Variants in ARSB observed in about 807,000 individuals in gnomAD.
The protein encoded by ARSB is arylsulfatase B.
ARSB carries 41 observed loss-of-function variants against 50.9 expected under a neutral mutation model. The ratio of observed to expected loss-of-function variants is 0.81; its 90% CI spans 0.63 to 1.04. ARSB has a LOEUF of 1.04. Among genes scored for constraint, ARSB ranks in the 50% least tolerant of loss-of-function variants. The pLI, the probability that ARSB is intolerant of heterozygous loss-of-function variation, is 0.00. For missense variants in ARSB, 672 were observed against 693.3 expected (o/e 0.97, Z 0.35); for synonymous variants, 269 against 284.8 (o/e 0.94, Z 0.56).
intron 3 of ARSB, among the ~76,000 whole-genome samples, chr5:78,959,410 C>T (rs1002493312): frequency 1.3e-5 from 2 of 151,514 alleles, no homozygotes; most frequent in African/African-American, 4.9e-5. Context: ...TTCTTTATAA[C>T]AGCGTGAGAA....
At chr5:78,784,903 A>G (rs1749036764) in intron 6 of ARSB, among the ~76,000 whole-genome samples, 1 of 151,254 alleles carries the variant, frequency 6.6e-6, no homozygotes, top group Non-Finnish European at 1.5e-5. Flanking sequence ...AGTTCAAGCA[A>G]TTCTCCTGCC....
intron 1 of ARSB, among the ~76,000 whole-genome samples, chr5:78,978,816 T>C (rs987219609): frequency 4.6e-5 from 7 of 152,164 alleles, no homozygotes; most frequent in Non-Finnish European, 8.8e-5. Context: ...CCTCAAATTG[T>C]ACATAAAAAT....
At chr5:78,892,592 G>T (rs163299) in intron 4 of ARSB, among the ~76,000 whole-genome samples, 32,511 of 152,088 alleles carry the variant, frequency 0.21, 3,914 homozygotes, top group East Asian at 0.55. Context: ...CTTGAGAAGT[G>T]CAACAACACA....
At chr5:78,847,649 T>A (rs1045917341) in intron 5 of ARSB, among the ~76,000 whole-genome samples, 1 of 152,232 alleles carries the variant, frequency 6.6e-6, no homozygotes, top group African/African-American at 2.4e-5. Context: ...TTATTAGTTC[T>A]TTAAATGTTT....
chr5:78,959,907 C>G (rs1293601289), intron 3 of ARSB, among the ~76,000 whole-genome samples: 6 of 152,148 alleles, frequency 3.9e-5, no homozygotes, highest in Non-Finnish European at 5.9e-5. Flanking sequence ...GCCACTATTC[C>G]TAGGACCCTG....
intron 6 of ARSB, among the ~76,000 whole-genome samples, chr5:78,835,330 G>T (rs989073559): frequency 2.0e-5 from 3 of 152,126 alleles, no homozygotes; most frequent in African/African-American, 4.8e-5. Context: ...GGGAGCGGGG[G>T]AGGTGTAGCT....
At chr5:78,816,459 T>G (rs1743995647) in intron 6 of ARSB, among the ~76,000 whole-genome samples, 3 of 152,176 alleles carry the variant, frequency 2.0e-5, no homozygotes, top group Admixed American at 2.0e-4. Context: ...ACCCTGGATT[T>G]CCAGGTGTCA....
At chr5:78,971,322 A>T (rs150617597) in intron 1 of ARSB, among the ~76,000 whole-genome samples, 3 of 152,152 alleles carry the variant, frequency 2.0e-5, no homozygotes, top group African/African-American at 7.2e-5. Flanking sequence ...AGAAAGTGGG[A>T]CTGGGGTCTC....
At chr5:78,985,447 CA>C, upstream of ARSB, 1 of 398,546 alleles carries the variant, frequency 2.5e-6, no homozygotes, top group Non-Finnish European at 4.0e-6. Context: ...GAGGAGGAGC[CA>C]GAGACGAACC....
chr5:78,822,602 A>G (rs1381845125), intron 6 of ARSB, among the ~76,000 whole-genome samples: 1 of 152,162 alleles, frequency 6.6e-6, no homozygotes, highest in East Asian at 1.9e-4. Flanking sequence ...GACCATTATA[A>G]CAATTTGGTA....
chr5:78,832,992 G>A (rs1377106699), intron 6 of ARSB, among the ~76,000 whole-genome samples: 2 of 152,186 alleles, frequency 1.3e-5, no homozygotes, highest in African/African-American at 4.8e-5. Flanking sequence ...GGTCTCAGAT[G>A]GGGCAGGATC....
In ARSB at chr5:78,955,437, C is replaced by T. The variant is rs544156449; in HGVS notation, c.756G>A (p.Leu252=). ...HEPLQVPEEY[L]KPYDFIQDKN... is the part of the protein sequence containing the mutation. ...TGTCTTGGATAAAGTCATATGGCTT[C>T]AAGTATTCCTCAGGGACCTGAAGGG... The change falls in exon 4 of 8, where the codon TTG becomes TTA. Residue 252 remains leucine, a synonymous_variant. Transcript: ENST00000264914. 62 of 1,614,174 alleles carry T rather than the reference C, an allele frequency of 3.8e-5. No homozygotes were observed. In the South Asian group the frequency reaches 6.6e-4, roughly 17 times the overall value.
intron 6 of ARSB, chr5:78,816,246 C>T (rs1743986690): frequency 1.3e-6 from 2 of 1,546,212 alleles, no homozygotes; most frequent in Non-Finnish European, 1.8e-6. Flanking sequence ...AGGGCAAGGA[C>T]TGTCTCCTTC....
chr5:78,962,929 G>A (rs1264208629), intron 3 of ARSB, among the ~76,000 whole-genome samples: 1 of 152,144 alleles, frequency 6.6e-6, no homozygotes, highest in African/African-American at 2.4e-5. Context: ...AGGGGAACCA[G>A]CAGCCACATA....
chr5:78,939,566 A>C (rs1417785601), intron 4 of ARSB, among the ~76,000 whole-genome samples: 1 of 152,098 alleles, frequency 6.6e-6, no homozygotes, highest in African/African-American at 2.4e-5. Flanking sequence ...GATTGCTGAA[A>C]ATGATGGTTT....
intron 5 of ARSB, among the ~76,000 whole-genome samples, chr5:78,877,930 A>G (rs1349404748): frequency 6.6e-6 from 1 of 152,208 alleles, no homozygotes; most frequent in Non-Finnish European, 1.5e-5. Context: ...GAGGATATTA[A>G]AAAGACCCAA....
intron 4 of ARSB, among the ~76,000 whole-genome samples, chr5:78,915,156 C>T (rs946895826): frequency 2.0e-5 from 3 of 152,286 alleles, no homozygotes; most frequent in African/African-American, 2.4e-5. Flanking sequence ...ACTATCAATG[C>T]GCAATCAGCT....
At chr5:78,855,261 C>T (rs188672756) in intron 5 of ARSB, among the ~76,000 whole-genome samples, 1 of 152,354 alleles carries the variant, frequency 6.6e-6, no homozygotes, top group East Asian at 1.9e-4. Context: ...ACAGGTATGA[C>T]TGCTCTGGGT....
At chr5:78,871,508 G>A (rs1379726826) in intron 5 of ARSB, among the ~76,000 whole-genome samples, 5 of 150,564 alleles carry the variant, frequency 3.3e-5, no homozygotes, top group Admixed American at 6.7e-5. Flanking sequence ...CAGAAATAAC[G>A]CCGCTTACCT....
Sources: allele counts gnomAD v4.1 joint callset (sites outside exome capture counted in the v4.1 genomes callset), GRCh38; gene constraint gnomAD v4.1.1; transcripts MANE v1.5; gene names NCBI Gene and HGNC (gene_info 2026-07-23, HGNC 2026-07-21).